VWA8: variants seen among roughly 807,000 people sequenced by gnomAD.
VWA8 encodes von Willebrand factor A domain-containing protein 8.
A neutral mutation model predicts 241.5 loss-of-function variants in VWA8; 221 were observed. That is an observed-to-expected ratio of 0.91 (90% CI 0.82 to 1.02). The LOEUF is 1.02. Ranked by LOEUF, VWA8 falls within the 50% of genes least tolerant of loss-of-function variation. VWA8 has a pLI of 0.00. For missense variants in VWA8, 2,322 were observed against 2,328.7 expected, an observed-to-expected ratio of 1.00 and a Z score of 0.06; for synonymous variants, 852 against 827.1, an observed-to-expected ratio of 1.03 and a Z score of -0.52.
In VWA8 at chr13:41,715,439, T is replaced by G. The variant is rs1033551281; in HGVS notation, c.3116+4152A>C. ...TAAAATGGAAATCTCATGAAAAAGA[T>G]AGCATTTTTTTCTTTCTTTAAAACA... On this transcript the variant is annotated intron_variant, in intron 26 of 44. Transcript: ENST00000379310. Among the ~76,000 whole-genome samples the G allele has an allele frequency of 3.3e-5, 5 of 150,512 alleles. No individual in the cohort carries two copies. In the South Asian group the frequency reaches 8.3e-4, roughly 25 times the overall value.
At chr13:41,600,485 T>C (rs2044514234) in intron 40 of VWA8, among the ~76,000 whole-genome samples, 1 of 152,074 alleles carries the variant, frequency 6.6e-6, no homozygotes, top group East Asian at 1.9e-4. Flanking sequence ...CCTTCCCCTC[T>C]CTTTGCTCTG....
At chr13:41,689,277 TCAAA>T in intron 34 of VWA8, 73 bp downstream of exon 34, 1 of 1,431,540 alleles carries the variant, frequency 7.0e-7, no homozygotes, top group Non-Finnish European at 9.3e-7. Context: ...TAATTACCCC[TCAAA>T]CAGGCTTACA....
chr13:41,594,871 C>T (rs1019367336), intron 40 of VWA8, among the ~76,000 whole-genome samples: 1 of 152,208 alleles, frequency 6.6e-6, no homozygotes, highest in Non-Finnish European at 1.5e-5. Context: ...GAAATGACTA[C>T]ACTTCCAATA....
At chr13:41,907,009 T>C (rs1875750774) in intron 4 of VWA8, among the ~76,000 whole-genome samples, 1 of 152,196 alleles carries the variant, frequency 6.6e-6, no homozygotes, top group African/African-American at 2.4e-5. Flanking sequence ...ATTGCTTATT[T>C]ATAGGCTCTA....
chr13:41,734,300 G>A (rs1200979139), intron 21 of VWA8, among the ~76,000 whole-genome samples: 1 of 152,010 alleles, frequency 6.6e-6, no homozygotes, highest in African/African-American at 2.4e-5. Context: ...ATAGCACCAC[G>A]GCAGTCCAGC....
chr13:41,594,934 T>C (rs1593638679), intron 40 of VWA8, among the ~76,000 whole-genome samples: 1 of 152,202 alleles, frequency 6.6e-6, no homozygotes, highest in East Asian at 1.9e-4. Flanking sequence ...TTTAAATTTG[T>C]TGGGAAGACA....
At chr13:41,571,226 G>A (rs1456440414) in intron 43 of VWA8, among the ~76,000 whole-genome samples, 6 of 151,670 alleles carry the variant, frequency 4.0e-5, no homozygotes, top group South Asian at 2.1e-4. Context: ...CTCTAAAAGC[G>A]GTCATTCTGC....
intron 2 of VWA8, among the ~76,000 whole-genome samples, chr13:41,942,913 G>A (rs1317226786): frequency 6.6e-6 from 1 of 152,170 alleles, no homozygotes; most frequent in Non-Finnish European, 1.5e-5. Flanking sequence ...GCTGAGGGCA[G>A]TACAACAAGA....
At chr13:41,951,641 G>T (rs1414628823) in intron 1 of VWA8, among the ~76,000 whole-genome samples, 1 of 152,142 alleles carries the variant, frequency 6.6e-6, no homozygotes, top group Non-Finnish European at 1.5e-5. Context: ...TTTGGAAAGG[G>T]CTCAGAGACA....
rs532381887 is a variant in VWA8, at chr13:41,669,550, T to C, written c.4611+1396A>G. Among the ~76,000 whole-genome samples the C allele has an allele frequency of 1.2e-4, 19 of 152,274 alleles. No homozygotes were observed. In the South Asian group the frequency reaches 3.9e-3, roughly 32 times the overall value. ...TACATGATTAAAAAACAAATACAAATTCATTTTTGTAGCAGTCAAGCACAA... is the reference window on the plus strand; with the variant it reads ...TACATGATTAAAAAACAAATACAAACTCATTTTTGTAGCAGTCAAGCACAA... On this transcript the variant is annotated intron_variant, in intron 37 of 44. Transcript: ENST00000379310.
Position 41,819,344 on chromosome 13 carries a change from C to T in VWA8, c.1743G>A (p.Leu581=). The T allele has an allele frequency of 6.2e-7, 1 of 1,609,484 alleles. No homozygotes were observed. Among genetic ancestry groups the T allele is most frequent in the Middle Eastern group, 1.7e-4 (1 of 6,060 alleles). The change falls in exon 15 of 45, where the codon TTG becomes TTA. Residue 581 remains leucine (L), a synonymous_variant. Coordinates refer to ENST00000379310, the MANE Select transcript of VWA8 (RefSeq NM_015058.2). The part of the protein sequence containing the change: ...PIHPSFRIIA[L]AEPPVIGSTA... Reference sequence around the variant, plus strand: ...TGCTTCCAATAACAGGGGGTTCTGCCAAGGCAATGATTCTGAAGGAGGGAT... The same window carrying T: ...TGCTTCCAATAACAGGGGGTTCTGCTAAGGCAATGATTCTGAAGGAGGGAT...
intron 9 of VWA8, among the ~76,000 whole-genome samples, chr13:41,869,083 T>A (rs1873460814): frequency 6.6e-6 from 1 of 152,094 alleles, no homozygotes; most frequent in African/African-American, 2.4e-5. Flanking sequence ...ATAGTTTACA[T>A]TTCTTGACAA....
At chr13:41,890,475 A>G (rs913699776) in intron 5 of VWA8, among the ~76,000 whole-genome samples, 2 of 152,228 alleles carry the variant, frequency 1.3e-5, no homozygotes, top group Non-Finnish European at 2.9e-5. Flanking sequence ...TCTTCTTGTC[A>G]TTTGTGACAT....
chr13:41,731,560 C>T (rs1299538766), intron 22 of VWA8, among the ~76,000 whole-genome samples: 1 of 152,114 alleles, frequency 6.6e-6, no homozygotes, highest in African/African-American at 2.4e-5. Context: ...CAATAATTTG[C>T]ATATATCCTC....
chr13:41,750,877 C>T (rs1052666386), intron 21 of VWA8, among the ~76,000 whole-genome samples: 1 of 130,800 alleles, frequency 7.6e-6, no homozygotes, highest in Non-Finnish European at 1.7e-5. Context: ...GTTACATAAA[C>T]ATATTTGATA....
At chr13:41,693,597 T>C (rs1010749694) in intron 29 of VWA8, among the ~76,000 whole-genome samples, 1 of 152,124 alleles carries the variant, frequency 6.6e-6, no homozygotes, top group Non-Finnish European at 1.5e-5. Flanking sequence ...GGTGCTGTAA[T>C]AAAGTACAAA....
chr13:41,686,371 C>T (rs147546327), intron 34 of VWA8, among the ~76,000 whole-genome samples: 117 of 152,114 alleles, frequency 7.7e-4, no homozygotes, highest in Middle Eastern at 3.4e-3. Context: ...GCCATTCTAA[C>T]GGGTAGGTAC....
At position 41,709,766 on chromosome 13, in the gene VWA8, TCTCTC is replaced by T. The variant is rs758978234; in HGVS notation, c.3117-6360_3117-6356del. On this transcript the variant is annotated intron_variant, in intron 26 of 44. Coordinates refer to ENST00000379310, the MANE Select transcript of VWA8 (RefSeq NM_015058.2). ...ATGAGTCACTCTGTCTCTCTGTCTC[TCTCTC>T]TTTTTTTTTTTTTTTTAAGAAACAG... Among the ~76,000 whole-genome samples, 38 of 141,344 alleles carry T rather than the reference TCTCTC, an allele frequency of 2.7e-4. No individual in the cohort carries two copies. The East Asian group carries it at 5.3e-3, about 20-fold the overall frequency. The allele number at this position is 141,344 out of a possible 152,430, so 92.7% of individuals were successfully genotyped here.
chr13:41,921,833 C>G (rs1876553050), intron 2 of VWA8, among the ~76,000 whole-genome samples: 1 of 152,178 alleles, frequency 6.6e-6, no homozygotes, highest in Non-Finnish European at 1.5e-5. Context: ...TAGGAAGAAT[C>G]AGTATCGTGA....
Sources: gnomAD v4.1 joint callset for allele counts (sites outside exome capture counted in the v4.1 genomes callset) on GRCh38, gnomAD v4.1.1 for gene constraint, MANE v1.5 for transcripts, NCBI Gene and HGNC (gene_info 2026-07-23, HGNC 2026-07-21) for gene names.